NOTCH2: variants seen among roughly 807,000 people sequenced by gnomAD.
The protein encoded by NOTCH2 is notch receptor 2, also known as neurogenic locus notch homolog protein 2.
Under a neutral mutation model 235.8 loss-of-function variants are expected in NOTCH2, and 29 were observed. That is an observed-to-expected ratio of 0.12 (90% CI 0.09 to 0.17). The LOEUF is 0.17. NOTCH2 is among the 10% of genes least tolerant of loss of function. NOTCH2 has a pLI of 1.00. For missense variants in NOTCH2, 2,285 were observed against 3,150.2 expected (o/e 0.73, Z 6.57); for synonymous variants, 1,086 against 1,141.5 (o/e 0.95, Z 0.98).
At chr1:120,030,171 A>G (rs1392956556) in intron 1 of NOTCH2, among the ~76,000 whole-genome samples, 184 bp from the exon 2 acceptor site, 5 of 152,140 alleles carry the variant, frequency 3.3e-5, no homozygotes, top group Non-Finnish European at 5.9e-5. Context: ...ACTATCTTCC[A>G]ACAATAACCA....
intron 22 of NOTCH2, among the ~76,000 whole-genome samples, chr1:119,933,679 C>G (rs1350545835): frequency 6.6e-6 from 1 of 152,170 alleles, no homozygotes; most frequent in Non-Finnish European, 1.5e-5. Flanking sequence ...AACTAGTATT[C>G]TAAGCCATCT....
At chr1:119,941,148 T>C (rs926446949) in intron 18 of NOTCH2, among the ~76,000 whole-genome samples, 21 of 152,174 alleles carry the variant, frequency 1.4e-4, no homozygotes, top group Admixed American at 1.2e-3. Context: ...CATAATATTA[T>C]AAAAAGAAAT....
At chr1:119,930,702 C>A (rs1455149391) in intron 22 of NOTCH2, among the ~76,000 whole-genome samples, 1 of 151,700 alleles carries the variant, frequency 6.6e-6, no homozygotes, top group Non-Finnish European at 1.5e-5. Flanking sequence ...TCACTTGAAA[C>A]CGGGAGATGA....
chr1:119,959,978 G>A (rs1326343566), intron 11 of NOTCH2, among the ~76,000 whole-genome samples: 1 of 152,196 alleles, frequency 6.6e-6, no homozygotes, highest in African/African-American at 2.4e-5. Flanking sequence ...TGAAATGGAA[G>A]TATACATAAA....
In NOTCH2 at chr1:119,912,049, C is replaced by T. The variant is rs1648914698; in HGVS notation, c.*3257G>A. On this transcript the variant is annotated 3_prime_UTR_variant, in exon 34 of 34. Coordinates refer to ENST00000256646, the MANE Select transcript of NOTCH2 (RefSeq NM_024408.4). ...CAGTATTGGAAAATAAAAAATACAA[C>T]ACCACTGAGCTTGGCAAACCTTTTT... is the stretch of plus-strand genomic sequence containing the variant. The T allele has an allele frequency of 4.3e-6, 1 of 233,672 alleles. No homozygotes were observed. Among genetic ancestry groups the T allele is most frequent in the Non-Finnish European group, 8.5e-6 (1 of 118,032 alleles). 14.5% of individuals were successfully genotyped at this position (233,672 alleles called of 1,614,324 possible).
intron 5 of NOTCH2, among the ~76,000 whole-genome samples, chr1:119,978,402 T>C (rs953888323): frequency 1.3e-5 from 2 of 152,124 alleles, no homozygotes; most frequent in Non-Finnish European, 2.9e-5. Context: ...CTCGATCCAA[T>C]GCATGTTTCA....
At chr1:119,981,825 A>G (rs1056194281) in intron 5 of NOTCH2, among the ~76,000 whole-genome samples, 2 of 152,154 alleles carry the variant, frequency 1.3e-5, no homozygotes, top group African/African-American at 4.8e-5. Flanking sequence ...GAAAAATTGA[A>G]ATGTGAGACA....
At chr1:119,987,111 T>C (rs782717749) in intron 4 of NOTCH2, 29 bp from the exon 5 acceptor site, 2 of 1,612,900 alleles carry the variant, frequency 1.2e-6, no homozygotes, top group South Asian at 1.1e-5. Context: ...ATGAAAATGA[T>C]GAAATCTCAT....
At chr1:119,970,276 A>G (rs1651309332) in intron 5 of NOTCH2, among the ~76,000 whole-genome samples, 1 of 152,226 alleles carries the variant, frequency 6.6e-6, no homozygotes, top group South Asian at 2.1e-4. Flanking sequence ...ATTAATTCTT[A>G]TAACTGCACA....
At chr1:119,939,194 T>C (rs1052477935) in intron 19 of NOTCH2, among the ~76,000 whole-genome samples, 1 of 151,992 alleles carries the variant, frequency 6.6e-6, no homozygotes, top group Non-Finnish European at 1.5e-5. Flanking sequence ...CAAAAACAGA[T>C]TTTTCCCCCA....
chr1:119,931,550 T>C (rs1649661257), intron 22 of NOTCH2, among the ~76,000 whole-genome samples: 1 of 151,838 alleles, frequency 6.6e-6, no homozygotes, highest in African/African-American at 2.4e-5. Context: ...ATAATTGAAA[T>C]AGAACGTTAT....
At chr1:119,995,493 G>C (rs1240230400) in intron 4 of NOTCH2, 1 of 152,162 alleles carries the variant, frequency 6.6e-6, no homozygotes. Context: ...TTGCAATATT[G>C]AAATATTTTC....
chr1:119,930,803 A>T (rs1409705252), intron 22 of NOTCH2, among the ~76,000 whole-genome samples: 1 of 148,908 alleles, frequency 6.7e-6, no homozygotes, highest in African/African-American at 2.5e-5. Context: ...ATCATAATTA[A>T]AAAAAAAGGT....
At position 119,916,485 on chromosome 1, in the gene NOTCH2, A is replaced by C; in HGVS notation, c.6237T>G (p.Ala2079=). ...TGGGCCCACAGATGACAGGTGAGAGAGCAGAAGTCAACACGGTGCCTGGAG... is the reference window on the plus strand; with the variant it reads ...TGGGCCCACAGATGACAGGTGAGAGCGCAGAAGTCAACACGGTGCCTGGAG... ...PSPPGTVLTS[A]LSPVICGPNR... Residue 2079 remains alanine, a synonymous_variant, in exon 34 of 34, where the codon GCT becomes GCG. Transcript: ENST00000256646. 6.2e-7 allele frequency: 1 copy of C among 1,612,534 alleles called. No individual in the cohort carries two copies. Among genetic ancestry groups the C allele is most frequent in the Non-Finnish European group, 8.5e-7 (1 of 1,178,690 alleles).
chr1:119,986,579 G>A (rs1283575381), intron 5 of NOTCH2, among the ~76,000 whole-genome samples: 1 of 152,108 alleles, frequency 6.6e-6, no homozygotes, highest in African/African-American at 2.4e-5. Context: ...CTGGTAGCCT[G>A]TACAATTTAT....
At chr1:119,921,028 T>C (rs587764189) in intron 29 of NOTCH2, among the ~76,000 whole-genome samples, 61 of 152,322 alleles carry the variant, frequency 4.0e-4, no homozygotes, top group African/African-American at 1.4e-3. Context: ...GTTATTATTA[T>C]CCGCATTTTA....
intron 3 of NOTCH2, 74 bp from the exon 4 acceptor site, chr1:119,997,406 C>A (rs1553204389): frequency 1.0e-5 from 14 of 1,333,528 alleles, no homozygotes; most frequent in African/African-American, 1.4e-5. Context: ...ACCTCATTGA[C>A]ATCAGCGAGC....
In NOTCH2 at chr1:119,915,779, T is replaced by C. The variant is rs774696200; in HGVS notation, c.6943A>G (p.Ile2315Val). The C allele has an allele frequency of 6.8e-6, 11 of 1,610,644 alleles. No homozygotes were observed. The South Asian group carries it at 1.2e-4, about 18-fold the overall frequency. The change falls in exon 34 of 34, where the codon ATT (isoleucine) becomes GTT (valine). Residue 2315 changes from isoleucine (I) to valine (V), a missense_variant. Physicochemically the swap from Ile to Val is conservative, Grantham distance 29 (BLOSUM62 3). Coordinates refer to ENST00000256646, the MANE Select transcript of NOTCH2 (RefSeq NM_024408.4). Reference sequence around the variant, plus strand: ...TGGGGAGCCCCCGCTGGTTGGGCAATACTGCCTTTAGGGATGAGCTGGAAA... The same window carrying C: ...TGGGGAGCCCCCGCTGGTTGGGCAACACTGCCTTTAGGGATGAGCTGGAAA... Reference protein sequence around the residue: ...VTFQLIPKGSIAQPAGAPQPQ... With the variant: ...VTFQLIPKGSVAQPAGAPQPQ...
chr1:120,065,418 C>T (rs1447735390), intron 1 of NOTCH2, among the ~76,000 whole-genome samples: 6 of 152,068 alleles, frequency 3.9e-5, no homozygotes, highest in South Asian at 2.1e-4. Flanking sequence ...TCCTCATGTA[C>T]GCATTAACAA....
Sources: gnomAD v4.1 joint callset for allele counts (sites outside exome capture counted in the v4.1 genomes callset) on GRCh38, gnomAD v4.1.1 for gene constraint, MANE v1.5 for transcripts, NCBI Gene and HGNC (gene_info 2026-07-23, HGNC 2026-07-21) for gene names.